RGPD4: variants seen among roughly 807,000 people sequenced by gnomAD.
The protein encoded by RGPD4 is RANBP2 like and GRIP domain containing 4, also known as ranBP2-like and GRIP domain-containing protein 4.
A neutral mutation model predicts 141.1 loss-of-function variants in RGPD4; 84 were observed. The ratio of observed to expected loss-of-function variants is 0.60; its 90% confidence interval spans 0.50 to 0.71. The LOEUF is 0.71. Among genes scored for constraint, RGPD4 ranks in the 30% least tolerant of loss-of-function variants. The probability of loss-of-function intolerance (pLI) is 0.00; values close to 1 mark genes in which losing one functional copy is unlikely to be tolerated. For missense variants in RGPD4, 918 were observed against 1,622.4 expected (o/e 0.57, Z 7.46); for synonymous variants, 298 against 566.8 (o/e 0.53, Z 6.74).
At chr2:107,836,534 A>G (rs1341115112) in intron 1 of RGPD4, 68 bp from the exon 2 acceptor site, 6 of 1,365,054 alleles carry the variant, frequency 4.4e-6, no homozygotes, top group Non-Finnish European at 5.9e-6. Context: ...GCAGATTTTT[A>G]CTACTTTTGA....
Position 107,890,857 on chromosome 2 carries a change from A to C in RGPD4, c.*126A>C. 8.7e-7 allele frequency: 1 copy of C among 1,151,808 alleles called. No individual in the cohort carries two copies. Among genetic ancestry groups the C allele is most frequent in the Non-Finnish European group, 1.3e-6 (1 of 794,236 alleles). 71.3% of individuals were successfully genotyped at this position (1,151,808 alleles called of 1,614,324 possible). A position where few individuals can be genotyped will look rare whatever the true frequency, so the allele number is the denominator to read the frequency against. On this transcript the variant is annotated 3_prime_UTR_variant, in exon 23 of 23. Transcript: ENST00000408999. ...TTTACAAAAATGGTTCATGTGTATT[A>C]CCATCATTCTTTTGTCAAAAAGTGT...
intron 8 of RGPD4, 85 bp downstream of exon 8, chr2:107,854,728 C>T: frequency 6.4e-7 from 1 of 1,563,786 alleles, no homozygotes; most frequent in South Asian, 1.2e-5. Context: ...CTCCATCTGT[C>T]CAGGAGATAA....
At chr2:107,880,133 T>C (rs1675312425) in intron 21 of RGPD4, 26 bp downstream of exon 21, 1 of 1,611,526 alleles carries the variant, frequency 6.2e-7, no homozygotes, top group Non-Finnish European at 8.5e-7. Flanking sequence ...CTGGCCACCA[T>C]GAAAACTGCC....
At chr2:107,857,191 G>A (rs1356337069) in intron 9 of RGPD4, among the ~76,000 whole-genome samples, 1 of 150,246 alleles carries the variant, frequency 6.7e-6, no homozygotes, top group Non-Finnish European at 1.5e-5. Flanking sequence ...ATGCTGGAGT[G>A]CAGTGGTGCG....
intron 20 of RGPD4, among the ~76,000 whole-genome samples, chr2:107,878,801 A>G (rs1683166537): frequency 2.1e-5 from 1 of 47,128 alleles, no homozygotes; most frequent in African/African-American, 7.6e-5. Context: ...GGCAGGAAGC[A>G]TCCAGCACAG....
intron 21 of RGPD4, among the ~76,000 whole-genome samples, chr2:107,881,130 C>G (rs1456699902): frequency 6.7e-6 from 1 of 149,580 alleles, no homozygotes; most frequent in African/African-American, 2.5e-5. Context: ...AGGCCACTAG[C>G]TATCCTTGTC....
At chr2:107,862,393 TAGAA>T (rs1309944750) in intron 15 of RGPD4, among the ~76,000 whole-genome samples, 1 of 151,498 alleles carries the variant, frequency 6.6e-6, no homozygotes, top group Non-Finnish European at 1.5e-5. Context: ...ACAGAAGTAA[TAGAA>T]AGAGCATGGA....
In RGPD4 at chr2:107,866,950, C is replaced by T. The variant is rs77078784; in HGVS notation, c.2605+625C>T. On this transcript the variant is annotated intron_variant, in intron 18 of 22. Transcript: ENST00000408999. Reference sequence around the variant, plus strand: ...GAGTATACAGTAAACAGTTAATGAACTAAGGTTACTAATAGTGTTTACTGT... The same window carrying T: ...GAGTATACAGTAAACAGTTAATGAATTAAGGTTACTAATAGTGTTTACTGT... 8.0e-3 allele frequency among the ~76,000 whole-genome samples: 1,194 copies of T among 149,654 alleles called. 56 individuals carry two copies. Among genetic ancestry groups the T allele is most frequent in the Admixed American group, 0.067 (998 of 14,984 alleles).
intron 1 of RGPD4, among the ~76,000 whole-genome samples, chr2:107,827,317 G>C (rs551139178): frequency 7.1e-6 from 1 of 140,170 alleles, no homozygotes; most frequent in South Asian, 2.3e-4. Context: ...TGAGGCGGCG[G>C]CCTCGACCCG....
At chr2:107,888,759 A>G (rs1449016640) in intron 22 of RGPD4, among the ~76,000 whole-genome samples, 1 of 101,860 alleles carries the variant, frequency 9.8e-6, no homozygotes, top group Admixed American at 9.5e-5. Context: ...TCCCAGAGGC[A>G]AGGAACACAG....
At chr2:107,833,514 C>T (rs1399989525) in intron 1 of RGPD4, among the ~76,000 whole-genome samples, 1 of 149,628 alleles carries the variant, frequency 6.7e-6, no homozygotes, top group African/African-American at 2.5e-5. Context: ...ATGGGCTGTG[C>T]TCCTTCCTAG....
rs1314253220 is a variant in RGPD4 at position 107,859,550 on chromosome 2, G to A, written c.1630G>A (p.Ala544Thr). The A allele has an allele frequency of 6.2e-7, 1 of 1,611,374 alleles. No homozygotes were observed. Among genetic ancestry groups the A allele is most frequent in the African/African-American group, 1.3e-5 (1 of 74,398 alleles). Reference sequence around the variant, plus strand: ...GGTTTGTACTCTGATTCACAGAAAAGCAGTGTAAGTAGTAAAACAAAAATA... The same window carrying A: ...GGTTTGTACTCTGATTCACAGAAAAACAGTGTAAGTAGTAAAACAAAAATA... ...DAVCTLIHRK[A>T]VPGNSAKLRL... The change falls in exon 11 of 23, where the codon GCA (alanine) becomes ACA (threonine). Residue 544 changes from alanine to threonine, a missense_variant. Physicochemically the swap from Ala to Thr is moderately conservative, Grantham distance 58 (BLOSUM62 0). Transcript: ENST00000408999.
At position 107,876,381 on chromosome 2, in the gene RGPD4, G is replaced by A. The variant is rs1205644076; in HGVS notation, c.4924+3453G>A. Among the ~76,000 whole-genome samples the A allele has an allele frequency of 1.3e-4, 19 of 150,780 alleles. 1 individual carries two copies. The highest frequency in any genetic ancestry group is 2.1e-4 in the Non-Finnish European group (14 of 67,960). On this transcript the variant is annotated intron_variant, in intron 20 of 22. Coordinates refer to ENST00000408999, the MANE Select transcript of RGPD4 (RefSeq NM_182588.3). The stretch of plus-strand genomic sequence containing the variant: ...TGGGATTACAGGCATGAGCCACTGC[G>A]CCTGGCTGACACATGTCCTAATTCT...
rs1683065829 is a variant in RGPD4, at chr2:107,875,589, G to A, written c.4924+2661G>A. On this transcript the variant is annotated intron_variant, in intron 20 of 22. Coordinates refer to ENST00000408999, the MANE Select transcript of RGPD4 (RefSeq NM_182588.3). The stretch of plus-strand genomic sequence containing the variant: ...TTACATTAGTAGATCAGAACAGGTT[G>A]CATATAGAAGTTTTTTCTGTTTCTA... 2.1e-5 allele frequency among the ~76,000 whole-genome samples: 3 copies of A among 146,272 alleles called. 1 individual carries two copies. In the Admixed American group the frequency reaches 2.1e-4, roughly 10 times the overall value.
intron 22 of RGPD4, among the ~76,000 whole-genome samples, chr2:107,883,573 T>G (rs1022846629): frequency 6.9e-6 from 1 of 145,594 alleles, no homozygotes; most frequent in African/African-American, 2.6e-5. Context: ...GAGGTTGCAG[T>G]GATCTGTCAC....
chr2:107,830,600 A>G (rs1279956676), intron 1 of RGPD4, among the ~76,000 whole-genome samples: 4 of 152,114 alleles, frequency 2.6e-5, no homozygotes, highest in Non-Finnish European at 5.9e-5. Context: ...TCAGCGGAAT[A>G]TGGATTAACT....
chr2:107,871,501 A>G lies in RGPD4; in HGVS notation c.3497A>G (p.Glu1166Gly), dbSNP rs747970505. The stretch of plus-strand genomic sequence containing the variant: ...GAAGAATTCAAGCAGAAATTTGAGG[A>G]ATGCCAGCAGCTTCTGTTAGACATA... ...LAEEFKQKFE[E>G]CQQLLLDIPL... is the part of the protein sequence containing the mutation. Residue 1166 changes from glutamate to glycine, a missense_variant, in exon 20 of 23, where the codon GAA becomes GGA. Transcript: ENST00000408999. 4.4e-6 allele frequency: 4 copies of G among 911,990 alleles called. 1 individual carries two copies. In the East Asian group the frequency reaches 9.3e-5, roughly 21 times the overall value. 56.5% of individuals were successfully genotyped at this position (911,990 alleles called of 1,614,324 possible). A position where few individuals can be genotyped will look rare whatever the true frequency, so the allele number is the denominator to read the frequency against.
At chr2:107,857,303 A>AT (rs1218377295) in intron 9 of RGPD4, among the ~76,000 whole-genome samples, 1 of 151,448 alleles carries the variant, frequency 6.6e-6, no homozygotes, top group Non-Finnish European at 1.5e-5. Context: ...TGCCCGGCTA[A>AT]TTTTTTTGTA....
At chr2:107,845,708 C>T (rs1230288946) in intron 6 of RGPD4, among the ~76,000 whole-genome samples, 3 of 152,036 alleles carry the variant, frequency 2.0e-5, no homozygotes, top group Non-Finnish European at 2.9e-5. Context: ...GGACTACAGG[C>T]GCCCACCACC....
Sources: gnomAD v4.1 joint callset for allele counts (sites outside exome capture counted in the v4.1 genomes callset) on GRCh38, gnomAD v4.1.1 for gene constraint, MANE v1.5 for transcripts, NCBI Gene and HGNC (gene_info 2026-07-23, HGNC 2026-07-21) for gene names.